Variants in PDE11A observed in about 807,000 individuals in gnomAD.
The protein encoded by PDE11A is phosphodiesterase 11A.
Under a neutral mutation model 100.5 loss-of-function variants are expected in PDE11A, and 100 were observed. That is an observed-to-expected ratio of 1.00 (90% CI 0.85 to 1.18). PDE11A has a LOEUF of 1.18. Ranked by LOEUF, PDE11A falls within the 50% of genes most tolerant of loss-of-function variation. PDE11A has a pLI of 0.00. For missense variants in PDE11A, 1,141 were observed against 1,152.6 expected, an observed-to-expected ratio of 0.99 and a Z score of 0.15; for synonymous variants, 381 against 420.8, an observed-to-expected ratio of 0.91 and a Z score of 1.16.
At chr2:177,776,942 C>A (rs966366146) in intron 9 of PDE11A, among the ~76,000 whole-genome samples, 1 of 152,092 alleles carries the variant, frequency 6.6e-6, no homozygotes, top group Non-Finnish European at 1.5e-5. Flanking sequence ...TCATGCTGTT[C>A]TCATGATAGT....
At position 177,886,948 on chromosome 2, in the gene PDE11A, G is replaced by C. The variant is rs1431837046; in HGVS notation, c.1303-11025C>G. Among the ~76,000 whole-genome samples, 2 of 152,178 alleles carry C rather than the reference G, an allele frequency of 1.3e-5. 1 individual carries two copies. Among genetic ancestry groups the C allele is most frequent in the South Asian group, 4.1e-4 (2 of 4,830 alleles). The stretch of plus-strand genomic sequence containing the variant: ...GACATGTAGGCCTGCTGAACTCCAA[G>C]TCCAGAAACAGGCTGGCAGTGATGG... On this transcript the variant is annotated intron_variant, in intron 4 of 19. Coordinates refer to ENST00000286063, the MANE Select transcript of PDE11A (RefSeq NM_016953.4).
At chr2:177,777,510 T>A (rs1454477515) in intron 9 of PDE11A, among the ~76,000 whole-genome samples, 1 of 152,186 alleles carries the variant, frequency 6.6e-6, no homozygotes, top group Non-Finnish European at 1.5e-5. Flanking sequence ...TGCAGAATCA[T>A]ATTATTTAAA....
At position 177,875,877 on chromosome 2, in the gene PDE11A, C is replaced by T. The variant is rs773508616; in HGVS notation, c.1349G>A (p.Ser450Asn). The change falls in exon 5 of 20, where the codon AGT becomes AAT. Residue 450 changes from serine to asparagine, a missense_variant. By Grantham distance (46) the Ser-to-Asn change is conservative (BLOSUM62 1). Transcript: ENST00000286063. The part of the protein sequence containing the change: ...KSFELMSPKC[S>N]ADAENSFKES... ...GCCCTACCTGTTCTCAGCATCAGCA[C>T]TGCACTTTGGGGACATCAATTCAAA... is the stretch of plus-strand genomic sequence containing the variant. The T allele has an allele frequency of 1.2e-6, 2 of 1,611,796 alleles. No homozygotes were observed. The highest frequency in any genetic ancestry group is 1.7e-5 in the Admixed American group (1 of 60,004).
chr2:177,830,347 C>A (rs2105603441), intron 6 of PDE11A, among the ~76,000 whole-genome samples: 1 of 152,202 alleles, frequency 6.6e-6, no homozygotes, highest in South Asian at 2.1e-4. Flanking sequence ...CGCCTGTAAT[C>A]CTAGCACTTT....
chr2:178,049,261 A>G (rs1430453696), intron 1 of PDE11A, among the ~76,000 whole-genome samples: 1 of 152,210 alleles, frequency 6.6e-6, no homozygotes, highest in Non-Finnish European at 1.5e-5. Flanking sequence ...ATGGTTTTAC[A>G]AGTAACTCAA....
chr2:178,094,323 G>A (rs1439302761), intron 2 of PDE11A, among the ~76,000 whole-genome samples: 1 of 151,874 alleles, frequency 6.6e-6, no homozygotes, highest in African/African-American at 2.4e-5. Flanking sequence ...GAGCTCAGGA[G>A]TTCAAGACCA....
At position 177,799,417 on chromosome 2, in the gene PDE11A, C is replaced by G. The variant is rs150899271; in HGVS notation, c.1737+17412G>C. Among the ~76,000 whole-genome samples, 574 of 152,266 alleles carry G rather than the reference C, an allele frequency of 3.8e-3. 4 individuals carry two copies. The highest frequency in any genetic ancestry group is 0.013 in the African/African-American group (537 of 41,556). Reference sequence around the variant, plus strand: ...ATGAGGTATAAGGGAACTCTCTGTACTATCTTCCCAATTTTTCTGTAAATC... The same window carrying G: ...ATGAGGTATAAGGGAACTCTCTGTAGTATCTTCCCAATTTTTCTGTAAATC... On this transcript the variant is annotated intron_variant, in intron 9 of 19. Transcript: ENST00000286063.
At chr2:177,718,470 A>T (rs2105435543) in intron 12 of PDE11A, among the ~76,000 whole-genome samples, 1 of 152,290 alleles carries the variant, frequency 6.6e-6, no homozygotes, top group South Asian at 2.1e-4. Context: ...TTCACGAAGG[A>T]CGTTATTCTT....
At chr2:177,746,153 C>T (rs1260958144) in intron 10 of PDE11A, among the ~76,000 whole-genome samples, 1 of 152,084 alleles carries the variant, frequency 6.6e-6, no homozygotes, top group Non-Finnish European at 1.5e-5. Context: ...ATCATCACAT[C>T]TAAGGGTTAA....
chr2:177,656,022 C>T (rs765281501), intron 19 of PDE11A, among the ~76,000 whole-genome samples: 8 of 152,132 alleles, frequency 5.3e-5, no homozygotes, highest in Non-Finnish European at 1.2e-4. Context: ...GAATTCATGG[C>T]TATTAACTGG....
intron 12 of PDE11A, among the ~76,000 whole-genome samples, chr2:177,718,511 T>C (rs1312165534): frequency 6.6e-6 from 1 of 152,232 alleles, no homozygotes; most frequent in Non-Finnish European, 1.5e-5. Context: ...TGCAGAGCCA[T>C]TGGATATTTT....
At chr2:177,865,453 T>C (rs1365425140) in intron 5 of PDE11A, among the ~76,000 whole-genome samples, 1 of 152,192 alleles carries the variant, frequency 6.6e-6, no homozygotes, top group African/African-American at 2.4e-5. Context: ...AGTCTGACAG[T>C]TGGTCCAAAA....
At chr2:177,998,770 T>C in intron 2 of PDE11A, 3 of 769,924 alleles carry the variant, frequency 3.9e-6, no homozygotes, top group Non-Finnish European at 6.9e-6. Flanking sequence ...ACCATCGGCA[T>C]GGTGAGCGAC....
intron 5 of PDE11A, among the ~76,000 whole-genome samples, chr2:177,866,844 C>A (rs1483826671): frequency 6.6e-6 from 1 of 152,130 alleles, no homozygotes; most frequent in African/African-American, 2.4e-5. Flanking sequence ...TAATAATAAC[C>A]AATATAGGTA....
At chr2:178,024,747 A>G (rs1407400530) in intron 1 of PDE11A, among the ~76,000 whole-genome samples, 2 of 152,198 alleles carry the variant, frequency 1.3e-5, no homozygotes, top group Non-Finnish European at 2.9e-5. Context: ...AACTTTCTGA[A>G]GCTCAAAAAA....
At chr2:177,924,461 T>C (rs1014226128) in intron 2 of PDE11A, among the ~76,000 whole-genome samples, 14 of 152,198 alleles carry the variant, frequency 9.2e-5, no homozygotes, top group South Asian at 2.1e-4. Context: ...CCATGACTTC[T>C]CTAACACTTA....
At chr2:178,089,193 CA>C (rs1479584763) in intron 2 of PDE11A, among the ~76,000 whole-genome samples, 2 of 152,250 alleles carry the variant, frequency 1.3e-5, no homozygotes, top group African/African-American at 4.8e-5. Context: ...GTTAAATGAT[CA>C]GGGGAAAGTC....
In PDE11A at chr2:177,843,468, T is replaced by A. The variant is rs372269478; in HGVS notation, c.1368-3085A>T. The stretch of plus-strand genomic sequence containing the variant: ...TCACAGGAACAGGGAGGAAAAACCA[T>A]TGGAGTTGATAATTAAGAGCTTTAG... On this transcript the variant is annotated intron_variant, in intron 5 of 19. Coordinates refer to ENST00000286063, the MANE Select transcript of PDE11A (RefSeq NM_016953.4). Among the ~76,000 whole-genome samples the A allele has an allele frequency of 3.3e-5, 5 of 152,250 alleles. No homozygotes were observed. In the South Asian group the frequency reaches 6.2e-4, roughly 19 times the overall value.
At chr2:178,047,111 T>C (rs762015520) in intron 1 of PDE11A, among the ~76,000 whole-genome samples, 8 of 152,068 alleles carry the variant, frequency 5.3e-5, no homozygotes, top group South Asian at 2.1e-4. Flanking sequence ...TATCCTTTAT[T>C]GCAGTTGATG....
Sources: gnomAD v4.1 joint callset for allele counts (sites outside exome capture counted in the v4.1 genomes callset) on GRCh38, gnomAD v4.1.1 for gene constraint, MANE v1.5 for transcripts, NCBI Gene and HGNC (gene_info 2026-07-23, HGNC 2026-07-21) for gene names.